ACSL1: variants seen among roughly 807,000 people sequenced by gnomAD.
ACSL1 encodes the protein long-chain-fatty-acid--CoA ligase 1.
A neutral mutation model predicts 98.4 loss-of-function variants in ACSL1; 41 were observed. That is an observed-to-expected ratio of 0.42 (90% confidence interval 0.32 to 0.54). The LOEUF is 0.54. ACSL1 is among the 20% of genes least tolerant of loss of function. The probability of loss-of-function intolerance (pLI) is 0.13; values close to 1 mark genes in which losing one functional copy is unlikely to be tolerated. For synonymous variants in ACSL1, 316 were observed against 322.7 expected (o/e 0.98, Z 0.22); for missense variants, 734 against 883.1 (o/e 0.83, Z 2.14).
At position 184,803,600 on chromosome 4, in the gene ACSL1, A is replaced by G. The variant is rs1328962950; in HGVS notation, c.-32-54T>C. 7.9e-7 allele frequency: 1 copy of G among 1,265,708 alleles called. No homozygotes were observed. The highest frequency in any genetic ancestry group is 1.0e-6 in the Non-Finnish European group (1 of 976,494). The allele number at this position is 1,265,708 out of a possible 1,614,324, so 78.4% of individuals were successfully genotyped here. On this transcript the variant is annotated intron_variant, in intron 1 of 20. Coordinates refer to ENST00000281455, the MANE Select transcript of ACSL1 (RefSeq NM_001995.5). This position sits in a 1 kb window ranked among gnomAD's most constrained non-coding sequence, Gnocchi z 4.8. ...TTCCAGGGAAGCAGGACCCCTCTCC[A>G]GAACTCCAAAATTCCACCGGCCAGC...
chr4:184,793,672 G>A (rs1768817054), intron 2 of ACSL1, among the ~76,000 whole-genome samples: 1 of 152,196 alleles, frequency 6.6e-6, no homozygotes, highest in Admixed American at 6.5e-5. Flanking sequence ...GAGAGTGAGA[G>A]AGAGGAGGGC....
intron 1 of ACSL1, among the ~76,000 whole-genome samples, chr4:184,819,905 G>T (rs996911597): frequency 6.6e-6 from 1 of 152,172 alleles, no homozygotes; most frequent in Admixed American, 6.6e-5. Flanking sequence ...TGGCAATACT[G>T]AGAAGGCAAG....
intron 15 of ACSL1, 92 bp from the exon 16 acceptor site, chr4:184,763,347 G>A (rs1015065005): frequency 2.8e-6 from 3 of 1,054,228 alleles, no homozygotes; most frequent in African/African-American, 3.3e-5. Context: ...TTCCACATAA[G>A]AAAAACGGCT....
rs915503940 is a variant in ACSL1, at chr4:184,810,336, G to C, written c.-32-6790C>G. Among the ~76,000 whole-genome samples, 5 of 152,198 alleles carry C rather than the reference G, an allele frequency of 3.3e-5. No individual in the cohort carries two copies. The South Asian group carries it at 8.3e-4, about 25-fold the overall frequency. On this transcript the variant is annotated intron_variant, in intron 1 of 20. Coordinates refer to ENST00000281455, the MANE Select transcript of ACSL1 (RefSeq NM_001995.5). ...CTCCCCGAGGCTGTTCCAAATACAG[G>C]GGCTGAGAGCACCTCATACTATGAC...
At chr4:184,806,483 AC>A (rs1342797443) in intron 1 of ACSL1, among the ~76,000 whole-genome samples, 1 of 152,108 alleles carries the variant, frequency 6.6e-6, no homozygotes, top group Non-Finnish European at 1.5e-5. Context: ...TCCTAGAGTA[AC>A]TCCCATAAAA....
At chr4:184,767,814 C>T (rs1763855806) in intron 12 of ACSL1, among the ~76,000 whole-genome samples, 1 of 152,176 alleles carries the variant, frequency 6.6e-6, no homozygotes, top group Non-Finnish European at 1.5e-5. Flanking sequence ...CGCAATGATA[C>T]CCACCGCAGA....
At chr4:184,765,244 C>G (rs961226272) in intron 14 of ACSL1, among the ~76,000 whole-genome samples, 2 of 152,182 alleles carry the variant, frequency 1.3e-5, no homozygotes, top group Non-Finnish European at 1.5e-5. Context: ...CGTCTGCCAC[C>G]AAATCCTCCT....
chr4:184,796,913 C>T (rs1309221331), intron 2 of ACSL1, among the ~76,000 whole-genome samples: 2 of 152,236 alleles, frequency 1.3e-5, no homozygotes, highest in Non-Finnish European at 2.9e-5. Context: ...CAGCGTTCAC[C>T]TGATACCTCC....
intron 1 of ACSL1, among the ~76,000 whole-genome samples, chr4:184,822,755 A>G (rs935847682): frequency 1.3e-5 from 2 of 152,100 alleles, no homozygotes; most frequent in East Asian, 1.9e-4. Context: ...AAAGAAAAAA[A>G]AAAGAAAGTG....
intron 18 of ACSL1, among the ~76,000 whole-genome samples, chr4:184,760,072 C>T (rs1388629655): frequency 6.6e-6 from 1 of 152,156 alleles, no homozygotes; most frequent in Non-Finnish European, 1.5e-5. Context: ...TAATTGGAAA[C>T]ATATATTACC....
chr4:184,820,312 C>T (rs1309301265), intron 1 of ACSL1, among the ~76,000 whole-genome samples: 3 of 151,946 alleles, frequency 2.0e-5, no homozygotes, highest in Non-Finnish European at 2.9e-5. Context: ...CCACTGCACC[C>T]GGCCAGTCAT....
chr4:184,797,685 G>C (rs1379669405), intron 2 of ACSL1, among the ~76,000 whole-genome samples: 1 of 152,144 alleles, frequency 6.6e-6, no homozygotes, highest in East Asian at 1.9e-4. Context: ...TAGTTCTATG[G>C]CATGAAAACA....
At chr4:184,812,807 C>T (rs1044613946) in intron 1 of ACSL1, among the ~76,000 whole-genome samples, 1 of 152,092 alleles carries the variant, frequency 6.6e-6, no homozygotes, top group African/African-American at 2.4e-5. Flanking sequence ...AAGGCTTGAG[C>T]CCAGAGCCCC....
rs143629956 is a variant in ACSL1, at chr4:184,813,208, G to A, written c.-32-9662C>T. On this transcript the variant is annotated intron_variant, in intron 1 of 20. Transcript: ENST00000281455. ...TGGGACAGCAGGGCTAAATTTTGGC[G>A]GTACATATTTAAGAGGGCAAGTTTC... 4.6e-3 allele frequency among the ~76,000 whole-genome samples: 696 copies of A among 152,224 alleles called. 10 individuals are homozygous for A. Among genetic ancestry groups the A allele is most frequent in the African/African-American group, 0.016 (664 of 41,526 alleles).
At chr4:184,769,404 T>C (rs753503497) in intron 11 of ACSL1, among the ~76,000 whole-genome samples, 9 of 152,210 alleles carry the variant, frequency 5.9e-5, no homozygotes, top group Non-Finnish European at 1.2e-4. Flanking sequence ...ACAAGGGAAG[T>C]ACAAATGTTC....
chr4:184,757,801 G>C lies in ACSL1; in HGVS notation c.1884+18C>G, dbSNP rs534982011. The C allele has an allele frequency of 3.7e-6, 6 of 1,613,000 alleles. 1 individual carries two copies. The Admixed American group carries it at 8.3e-5, about 22-fold the overall frequency. On this transcript the variant is annotated intron_variant, in intron 19 of 20. Coordinates refer to ENST00000281455, the MANE Select transcript of ACSL1 (RefSeq NM_001995.5). The surrounding 1 kb of genome is among the most constrained non-coding windows in gnomAD (Gnocchi z 4.5). ...GCCAAGTTATGATGAGGACAGACTGGACCCTTCAGAACCTTACCTTATTTC... is the reference window on the plus strand; with the variant it reads ...GCCAAGTTATGATGAGGACAGACTGCACCCTTCAGAACCTTACCTTATTTC...
intron 1 of ACSL1, among the ~76,000 whole-genome samples, chr4:184,815,590 T>C (rs1036932284): frequency 1.3e-5 from 2 of 151,976 alleles, no homozygotes; most frequent in Admixed American, 6.6e-5. Context: ...ATCAGTGACC[T>C]GGATAAGAAG....
intron 12 of ACSL1, chr4:184,767,911 G>A (rs1763872445): frequency 4.1e-6 from 1 of 246,636 alleles, no homozygotes; most frequent in South Asian, 1.4e-4. Flanking sequence ...GTCCATGCAA[G>A]GAGCTTTACA....
At chr4:184,769,868 A>G (rs925138949) in intron 11 of ACSL1, among the ~76,000 whole-genome samples, 1 of 152,220 alleles carries the variant, frequency 6.6e-6, no homozygotes, top group East Asian at 1.9e-4. Context: ...GATTACAGGG[A>G]GCCTAGGCAA....
Sources: gnomAD v4.1 joint callset for allele counts (sites outside exome capture counted in the v4.1 genomes callset) on GRCh38, gnomAD v4.1.1 for gene constraint, Gnocchi (gnomAD v3.1) non-coding constraint, MANE v1.5 for transcripts, NCBI Gene and HGNC (gene_info 2026-07-23, HGNC 2026-07-21) for gene names.